Variants in GRM5 observed in about 807,000 individuals in gnomAD.
GRM5 encodes the protein metabotropic glutamate receptor 5.
Under a neutral mutation model 83.1 loss-of-function variants are expected in GRM5, and 19 were observed. The observed-to-expected ratio is 0.23, with a 90% confidence interval of 0.16 to 0.34. GRM5 has a LOEUF of 0.34. GRM5 is among the 10% of genes least tolerant of loss of function. GRM5 has a pLI of 1.00. For synonymous variants in GRM5, 675 were observed against 633.6 expected, an observed-to-expected ratio of 1.07 and a Z score of -0.98; for missense variants, 1,160 against 1,588.3, an observed-to-expected ratio of 0.73 and a Z score of 4.58.
rs555408655 is a variant in GRM5 at position 88,629,492 on chromosome 11, G to A, written c.1147+23676C>T. On this transcript the variant is annotated intron_variant, in intron 4 of 9. Transcript: ENST00000305447. Reference sequence around the variant, plus strand: ...TTCTGAGACCCCCTCCAGAGGTAGAGGGTTTTGGGAATTAGAATGCCTTCT... The same window carrying A: ...TTCTGAGACCCCCTCCAGAGGTAGAAGGTTTTGGGAATTAGAATGCCTTCT... 2.6e-5 allele frequency among the ~76,000 whole-genome samples: 4 copies of A among 152,236 alleles called. No individual in the cohort carries two copies. In the East Asian group the frequency reaches 7.7e-4, roughly 29 times the overall value.
intron 3 of GRM5, among the ~76,000 whole-genome samples, chr11:88,827,935 A>G (rs566226386): frequency 1.3e-5 from 2 of 152,334 alleles, no homozygotes; most frequent in African/African-American, 4.8e-5. Context: ...GGTAAAGACT[A>G]TCAATGGTAG....
chr11:88,519,536 C>T (rs991221683), intron 9 of GRM5, among the ~76,000 whole-genome samples: 3 of 152,030 alleles, frequency 2.0e-5, no homozygotes, highest in African/African-American at 7.2e-5. Flanking sequence ...ATTAAGTGAG[C>T]AATCATGCAG....
intron 3 of GRM5, among the ~76,000 whole-genome samples, chr11:88,767,790 T>C (rs943249350): frequency 7.2e-5 from 11 of 151,844 alleles, no homozygotes; most frequent in Non-Finnish European, 1.6e-4. Context: ...CCAGTTTACC[T>C]ATATTAACAA....
intron 2 of GRM5, among the ~76,000 whole-genome samples, chr11:88,925,443 ATT>A (rs1464709632): frequency 6.6e-6 from 1 of 151,976 alleles, no homozygotes; most frequent in Non-Finnish European, 1.5e-5. Flanking sequence ...CCCGTCATGT[ATT>A]TCTCTCTGAT....
At chr11:88,718,092 A>G (rs934739548) in intron 3 of GRM5, among the ~76,000 whole-genome samples, 1 of 151,878 alleles carries the variant, frequency 6.6e-6, no homozygotes, top group Non-Finnish European at 1.5e-5. Context: ...TTTGTAGTCT[A>G]GCCCCTGGCT....
chr11:88,978,777 C>T (rs1392158030), intron 2 of GRM5, among the ~76,000 whole-genome samples: 2 of 152,010 alleles, frequency 1.3e-5, no homozygotes, highest in Non-Finnish European at 2.9e-5. Flanking sequence ...GTCATAGAAT[C>T]CTCCCATTCT....
At chr11:88,913,833 T>A (rs923364338) in intron 2 of GRM5, among the ~76,000 whole-genome samples, 8 of 151,996 alleles carry the variant, frequency 5.3e-5, no homozygotes, top group Non-Finnish European at 1.0e-4. Flanking sequence ...GTGTTTTACA[T>A]ACCTCGGCCT....
At chr11:89,019,610 C>T in intron 2 of GRM5, among the ~76,000 whole-genome samples, 1 of 151,870 alleles carries the variant, frequency 6.6e-6, no homozygotes, top group African/African-American at 2.4e-5. Flanking sequence ...GAGGTTGAGG[C>T]ACGAGAATCA....
At chr11:88,627,099 T>C (rs956484641) in intron 4 of GRM5, among the ~76,000 whole-genome samples, 1 of 152,256 alleles carries the variant, frequency 6.6e-6, no homozygotes, top group Non-Finnish European at 1.5e-5. Context: ...CTCTATCTGC[T>C]AGGCATTTAA....
chr11:88,988,578 A>C (rs998216305), intron 2 of GRM5, among the ~76,000 whole-genome samples: 60 of 151,256 alleles, frequency 4.0e-4, no homozygotes, highest in Non-Finnish European at 6.1e-4. Flanking sequence ...CAAAGTTGAA[A>C]TGAAGGAAAA....
At chr11:88,686,989 C>G (rs1303459824) in intron 3 of GRM5, among the ~76,000 whole-genome samples, 1 of 152,112 alleles carries the variant, frequency 6.6e-6, no homozygotes, top group Non-Finnish European at 1.5e-5. Flanking sequence ...TCCATTCAGG[C>G]TGACTAGAAA....
chr11:88,885,005 T>G (rs1945018509), intron 2 of GRM5, among the ~76,000 whole-genome samples: 1 of 152,162 alleles, frequency 6.6e-6, no homozygotes, highest in Non-Finnish European at 1.5e-5. Context: ...ATTTCAAAAT[T>G]TCCACATTAC....
chr11:88,925,442 T>C (rs1453433332), intron 2 of GRM5, among the ~76,000 whole-genome samples: 1 of 152,172 alleles, frequency 6.6e-6, no homozygotes, highest in Non-Finnish European at 1.5e-5. Flanking sequence ...ACCCGTCATG[T>C]ATTTCTCTCT....
chr11:88,588,963 T>G (rs143296298), intron 7 of GRM5, among the ~76,000 whole-genome samples: 112 of 152,274 alleles, frequency 7.4e-4, no homozygotes, highest in African/African-American at 2.6e-3. Flanking sequence ...TAATAAAATA[T>G]TTATCTGTTG....
intron 1 of GRM5, among the ~76,000 whole-genome samples, chr11:89,056,549 T>C (rs1387253066): frequency 6.6e-6 from 1 of 152,190 alleles, no homozygotes; most frequent in Non-Finnish European, 1.5e-5. Context: ...AGAACACCAA[T>C]TTCTTATAGT....
chr11:88,808,533 A>C (rs1489015467), intron 3 of GRM5, among the ~76,000 whole-genome samples: 1 of 152,020 alleles, frequency 6.6e-6, no homozygotes, highest in Non-Finnish European at 1.5e-5. Context: ...GATTTGTGAA[A>C]AACCACTTTA....
chr11:88,838,680 T>A (rs771900327), intron 3 of GRM5, among the ~76,000 whole-genome samples: 11 of 152,212 alleles, frequency 7.2e-5, no homozygotes, highest in Non-Finnish European at 1.5e-4. Flanking sequence ...GTTACAAATG[T>A]TAAATTTGGC....
chr11:89,028,268 AC>A (rs1439366748), intron 2 of GRM5, among the ~76,000 whole-genome samples: 11 of 151,626 alleles, frequency 7.3e-5, no homozygotes, highest in African/African-American at 2.7e-4. Context: ...AATTTTTATT[AC>A]CTGTTTTTTT....
At chr11:88,725,179 G>A (rs1358412131) in intron 3 of GRM5, among the ~76,000 whole-genome samples, 4 of 152,160 alleles carry the variant, frequency 2.6e-5, no homozygotes, top group South Asian at 2.1e-4. Context: ...GTTGACCTGG[G>A]ACACTCAAGT....
Sources: allele counts gnomAD v4.1 joint callset (sites outside exome capture counted in the v4.1 genomes callset), GRCh38; gene constraint gnomAD v4.1.1; transcripts MANE v1.5; gene names NCBI Gene and HGNC (gene_info 2026-07-23, HGNC 2026-07-21).